PHF8: variants seen among roughly 807,000 people sequenced by gnomAD.
The protein encoded by PHF8 is histone lysine demethylase PHF8.
PHF8 carries 9 observed loss-of-function variants against 74.4 expected under a neutral mutation model. The observed-to-expected ratio is 0.12, with a 90% CI of 0.07 to 0.21. The LOEUF is 0.21. Among genes scored for constraint, PHF8 ranks in the 10% least tolerant of loss-of-function variants. The pLI, the probability that PHF8 is intolerant of heterozygous loss-of-function variation, is 1.00. For missense variants in PHF8, 478 were observed against 816.6 expected (o/e 0.59, Z 5.05); for synonymous variants, 311 against 316.6 (o/e 0.98, Z 0.19).
intron 18 of PHF8, among the ~76,000 whole-genome samples, chrX:53,963,621 A>C (rs1460238377): frequency 8.9e-6 from 1 of 112,455 alleles, no homozygotes; most frequent in Non-Finnish European, 1.9e-5. Context: ...CCAGCCAACA[A>C]ACATATGAAA....
intron 11 of PHF8, 99 bp downstream of exon 11, chrX:53,999,771 A>G: frequency 1.9e-6 from 1 of 538,782 alleles, no homozygotes; most frequent in South Asian, 2.5e-5. Flanking sequence ...GGAGCCCACA[A>G]GCTTCTCTGG....
chrX:53,996,482 ATTC>A (rs1456688904), intron 11 of PHF8, among the ~76,000 whole-genome samples: 6 of 108,791 alleles, frequency 5.5e-5, no homozygotes, highest in Non-Finnish European at 9.5e-5. Context: ...GCCCAAGACA[ATTC>A]TTCTTCCAAG....
upstream of PHF8, among the ~76,000 whole-genome samples, chrX:54,045,947 T>G (rs868986192): frequency 0.01 from 229 of 22,128 alleles, no homozygotes; most frequent in East Asian, 0.029. Context: ...TGGTTTAGGG[T>G]TTTTTTTTTT....
intron 2 of PHF8, 148 bp from the exon 3 acceptor site, chrX:54,022,991 G>A (rs999203768): frequency 4.9e-5 from 22 of 451,946 alleles, no homozygotes; most frequent in East Asian, 4.7e-4. Context: ...AATTTCAAGC[G>A]CTCAGCAGCC....
chrX:53,966,917 G>A (rs1351282979), intron 18 of PHF8, among the ~76,000 whole-genome samples: 10 of 109,572 alleles, frequency 9.1e-5, no homozygotes, highest in Non-Finnish European at 1.9e-4. Flanking sequence ...GCCTCTGCCC[G>A]GTCGCGACCC....
chrX:53,993,546 G>T, intron 13 of PHF8, 55 bp downstream of exon 13: 1 of 1,064,461 alleles, frequency 9.4e-7, no homozygotes, highest in South Asian at 1.9e-5. Context: ...TTGAAACCCT[G>T]CTCTTCCAAG....
Position 53,993,864 on chromosome X carries a change from A to C in PHF8, c.1363T>G (p.Phe455Val), listed in dbSNP as rs782563657. 2 of 1,207,353 alleles carry C rather than the reference A, an allele frequency of 1.7e-6. No individual in the cohort carries two copies. Among genetic ancestry groups the C allele is most frequent in the East Asian group, 5.9e-5 (2 of 33,753 alleles). Reference sequence around the variant, plus strand: ...GCTGGGAAGATCCTCTGCAGCCCAAAGATATTGCTCGTCTTCCCAACGTTC... The same window carrying C: ...GCTGGGAAGATCCTCTGCAGCCCAACGATATTGCTCGTCTTCCCAACGTTC... ...QQNVGKTSNIFGLQRIFPAGS... is the reference protein window; with the variant it reads ...QQNVGKTSNIVGLQRIFPAGS... The change falls in exon 13 of 22, where the codon TTT becomes GTT. Residue 455 changes from phenylalanine to valine, a missense_variant. Phe to Val is a conservative substitution (Grantham distance 50, BLOSUM62 -1). Coordinates refer to ENST00000338154, the MANE Select transcript of PHF8 (RefSeq NM_015107.3).
At chrX:53,947,184 G>C (rs1042699723) in intron 19 of PHF8, among the ~76,000 whole-genome samples, 8 of 111,069 alleles carry the variant, frequency 7.2e-5, no homozygotes, top group Non-Finnish European at 3.8e-5. Context: ...GCTAATTTTT[G>C]TATTTTTAGT....
intron 18 of PHF8, among the ~76,000 whole-genome samples, chrX:53,965,027 G>C (rs781826529): frequency 1.8e-5 from 2 of 111,604 alleles, no homozygotes; most frequent in African/African-American, 3.3e-5. Context: ...TAATAGTACT[G>C]AACTATACAC....
intron 4 of PHF8, among the ~76,000 whole-genome samples, chrX:54,021,626 G>A (rs963519313): frequency 1.5e-4 from 16 of 107,325 alleles, no homozygotes; most frequent in Middle Eastern, 4.7e-3. Flanking sequence ...CCGCCACTAC[G>A]CCCGGCCAAT....
chrX:54,042,992 T>A (rs2066588887), intron 1 of PHF8, 172 bp from the exon 2 acceptor site: 3 of 505,191 alleles, frequency 5.9e-6, no homozygotes, highest in Non-Finnish European at 8.9e-6. Context: ...CTTTCACACG[T>A]AAAGAACGGA....
At chrX:54,003,666 A>G (rs782134163) in intron 8 of PHF8, among the ~76,000 whole-genome samples, 2 of 111,740 alleles carry the variant, frequency 1.8e-5, no homozygotes, top group East Asian at 5.6e-4. Context: ...CCCGGCCTAT[A>G]TTGTTCTTTA....
chrX:54,017,033 A>G (rs1435471571), intron 5 of PHF8, among the ~76,000 whole-genome samples: 1 of 112,616 alleles, frequency 8.9e-6, no homozygotes, highest in Non-Finnish European at 1.9e-5. Context: ...ACTCATGCCC[A>G]GACAACAAGT....
intron 8 of PHF8, among the ~76,000 whole-genome samples, chrX:54,005,597 C>A (rs1293267132): frequency 1.0e-5 from 1 of 98,288 alleles, no homozygotes; most frequent in East Asian, 3.1e-4. Context: ...AAAAAAAACA[C>A]AGCATGGCCA....
chrX:53,983,996 G>T (rs781922804), intron 18 of PHF8, among the ~76,000 whole-genome samples: 2 of 112,607 alleles, frequency 1.8e-5, no homozygotes, highest in African/African-American at 6.4e-5. Context: ...TAGTCAAAAA[G>T]AATTTTTGCT....
At position 54,016,691 on chromosome X, in the gene PHF8, T is replaced by C; in HGVS notation, c.500A>G (p.Asp167Gly). ...AAAATCACCAAGCTTCATCTTGCAG[T>C]CAGCCTGGCGGGTCACATCAATCAC... The part of the protein sequence containing the change: ...IDVIDVTRQA[D>G]CKMKLGDFVK... The change falls in exon 6 of 22, where the codon GAC becomes GGC. Residue 167 changes from aspartate to glycine, a missense_variant. Around this residue, in one of 9 missense-constraint regions of PHF8, gnomAD observed 70 missense variants for 234.1 expected, o/e 0.30. Coordinates refer to ENST00000338154, the MANE Select transcript of PHF8 (RefSeq NM_015107.3). The C allele has an allele frequency of 8.3e-7, 1 of 1,202,244 alleles. No homozygotes were observed. Among genetic ancestry groups the C allele is most frequent in the Non-Finnish European group, 1.1e-6 (1 of 887,273 alleles).
At chrX:54,009,212 G>C (rs782802723) in intron 8 of PHF8, among the ~76,000 whole-genome samples, 2 of 111,402 alleles carry the variant, frequency 1.8e-5, no homozygotes, top group African/African-American at 6.5e-5. Context: ...AACATTCTCT[G>C]GTATTAAATA....
intron 10 of PHF8, among the ~76,000 whole-genome samples, chrX:54,001,548 A>C (rs1233745794): frequency 1.8e-5 from 2 of 110,242 alleles, no homozygotes; most frequent in African/African-American, 6.6e-5. Context: ...ATAGAAATGG[A>C]AAACAGATTA....
intron 19 of PHF8, among the ~76,000 whole-genome samples, chrX:53,945,392 C>T (rs1173142854): frequency 4.6e-5 from 5 of 107,985 alleles, no homozygotes; most frequent in Non-Finnish European, 9.6e-5. Context: ...CGCCTGTAGT[C>T]CCAGCTGCTC....
Sources: gnomAD v4.1 joint callset for allele counts (sites outside exome capture counted in the v4.1 genomes callset) on GRCh38, gnomAD v4.1.1 for gene constraint, gnomAD v4.1.1 regional missense constraint, MANE v1.5 for transcripts, NCBI Gene and HGNC (gene_info 2026-07-23, HGNC 2026-07-21) for gene names.